The following SLC14A2 variants were observed in gnomAD, a reference collection of about 807,000 sequenced individuals.
SLC14A2 encodes the protein urea transporter 2.
A neutral mutation model predicts 104.6 loss-of-function variants in SLC14A2; 91 were observed. The ratio of observed to expected loss-of-function variants is 0.87; its 90% CI spans 0.73 to 1.04. SLC14A2 has a LOEUF of 1.04. Ranked by LOEUF, SLC14A2 falls within the 50% of genes least tolerant of loss-of-function variation. SLC14A2 has a pLI of 0.00. For missense variants in SLC14A2, 1,189 were observed against 1,156.0 expected, an observed-to-expected ratio of 1.03 and a Z score of -0.41; for synonymous variants, 476 against 466.4, an observed-to-expected ratio of 1.02 and a Z score of -0.27.
At chr18:45,263,053 A>T (rs2084555709) in intron 1 of SLC14A2, among the ~76,000 whole-genome samples, 1 of 152,216 alleles carries the variant, frequency 6.6e-6, no homozygotes, top group African/African-American at 2.4e-5. Flanking sequence ...TTTGAATTTC[A>T]TCAGTTTTTC....
At chr18:45,239,948 G>T (rs1360971613) in intron 1 of SLC14A2, among the ~76,000 whole-genome samples, 1 of 151,788 alleles carries the variant, frequency 6.6e-6, no homozygotes, top group African/African-American at 2.4e-5. Context: ...GACAGAATTT[G>T]ATTCTTTTTT....
upstream of SLC14A2, among the ~76,000 whole-genome samples, chr18:45,611,413 A>C (rs1157419766): frequency 6.6e-6 from 1 of 152,216 alleles, no homozygotes; most frequent in Non-Finnish European, 1.5e-5. Context: ...CCTAAAGGAC[A>C]TGCCACACTG....
chr18:45,399,200 C>A (rs915607524), intron 1 of SLC14A2, among the ~76,000 whole-genome samples: 6 of 152,198 alleles, frequency 3.9e-5, no homozygotes, highest in Non-Finnish European at 7.4e-5. Context: ...GAATTTGAAC[C>A]CAGGCAGTCT....
chr18:45,536,733 A>G (rs979054611), intron 2 of SLC14A2, among the ~76,000 whole-genome samples: 1 of 152,242 alleles, frequency 6.6e-6, no homozygotes, highest in African/African-American at 2.4e-5. Flanking sequence ...AAGCAAAAAA[A>G]GCTGCATATG....
intron 1 of SLC14A2, among the ~76,000 whole-genome samples, chr18:45,451,876 A>G (rs2086863620): frequency 6.6e-6 from 1 of 152,338 alleles, no homozygotes; most frequent in Middle Eastern, 3.4e-3. Context: ...GGTTCGGTTA[A>G]TGATTGCTTC....
At chr18:45,462,106 C>T (rs894334915) in intron 1 of SLC14A2, among the ~76,000 whole-genome samples, 1 of 152,194 alleles carries the variant, frequency 6.6e-6, no homozygotes, top group African/African-American at 2.4e-5. Flanking sequence ...CCAAACAAAA[C>T]CAATCAATGT....
chr18:45,414,757 A>AAAAAAAAAAAAAT (rs1360051908), intron 1 of SLC14A2, among the ~76,000 whole-genome samples: 7 of 76,110 alleles, frequency 9.2e-5, no homozygotes, highest in Non-Finnish European at 1.5e-4. Context: ...AAAAAAAAAA[A>AAAAAAAAAAAAAT]ATATATATAT....
chr18:45,227,631 C>A (rs2144012332), intron 1 of SLC14A2, among the ~76,000 whole-genome samples: 1 of 152,346 alleles, frequency 6.6e-6, no homozygotes, highest in Non-Finnish European at 1.5e-5. Flanking sequence ...ACCACATTAG[C>A]AAAGCCTGAC....
intron 10 of SLC14A2, chr18:45,647,833 C>T (rs1022514567): frequency 2.6e-5 from 4 of 152,104 alleles, no homozygotes; most frequent in African/African-American, 9.6e-5. Context: ...GAGCAGAAAA[C>T]ATGGCCTGTA....
intron 2 of SLC14A2, among the ~76,000 whole-genome samples, chr18:45,553,145 T>G (rs2044079483): frequency 6.6e-6 from 1 of 152,192 alleles, no homozygotes. Flanking sequence ...TTACAAACAC[T>G]TCCCAGCCTA....
At chr18:45,451,336 G>A (rs764582882) in intron 1 of SLC14A2, among the ~76,000 whole-genome samples, 10 of 152,020 alleles carry the variant, frequency 6.6e-5, no homozygotes, top group African/African-American at 9.7e-5. Flanking sequence ...TTCTTAATGC[G>A]TTCAATTTGG....
chr18:45,244,817 A>G (rs1168172411), intron 1 of SLC14A2, among the ~76,000 whole-genome samples: 1 of 152,162 alleles, frequency 6.6e-6, no homozygotes, highest in Non-Finnish European at 1.5e-5. Flanking sequence ...GACAGTTTTA[A>G]ACTCTCTAAA....
At chr18:45,207,403 AAGAG>A in the SLC14A2 span, among the ~76,000 whole-genome samples, 11 of 150,348 alleles carry the variant, frequency 7.3e-5, no homozygotes, top group South Asian at 1.9e-3. Flanking sequence ...GGGGGAGGAA[AAGAG>A]AGAGAAAGAG....
chr18:45,194,778 TGGGACTACA>T, the SLC14A2 span, among the ~76,000 whole-genome samples: 1 of 151,598 alleles, frequency 6.6e-6, no homozygotes, highest in East Asian at 1.9e-4. Context: ...CCCGAGTAGC[TGGGACTACA>T]GGCACCTGCC....
At chr18:45,243,538 A>C (rs1245798945) in intron 1 of SLC14A2, among the ~76,000 whole-genome samples, 4 of 152,248 alleles carry the variant, frequency 2.6e-5, no homozygotes, top group African/African-American at 9.6e-5. Context: ...AGAGTTATTT[A>C]GAAAAACATC....
At chr18:45,184,318 G>T in the SLC14A2 span, among the ~76,000 whole-genome samples, 410 of 152,252 alleles carry the variant, frequency 2.7e-3, 4 homozygotes, top group African/African-American at 9.3e-3. Flanking sequence ...ATTACCACAG[G>T]TGACCACTAA....
intron 1 of SLC14A2, among the ~76,000 whole-genome samples, chr18:45,470,582 G>A (rs1301902926): frequency 6.6e-6 from 1 of 152,044 alleles, no homozygotes; most frequent in African/African-American, 2.4e-5. Flanking sequence ...AGAGATAGTT[G>A]GGAAGGTTTT....
chr18:45,642,367 C>T (rs12963972), intron 8 of SLC14A2, among the ~76,000 whole-genome samples: 58,830 of 152,020 alleles, frequency 0.39, 11,535 homozygotes, highest in Admixed American at 0.42. Flanking sequence ...AGGTTCAGAC[C>T]GTAACTGCTT....
At chr18:45,233,778 C>T (rs1204456669) in intron 1 of SLC14A2, among the ~76,000 whole-genome samples, 1 of 146,440 alleles carries the variant, frequency 6.8e-6, no homozygotes, top group East Asian at 2.1e-4. Flanking sequence ...CCCCGACTCC[C>T]CCTTCCCCCA....
Sources: allele counts gnomAD v4.1 joint callset (sites outside exome capture counted in the v4.1 genomes callset), GRCh38; gene constraint gnomAD v4.1.1; transcripts MANE v1.5; gene names NCBI Gene and HGNC (gene_info 2026-07-23, HGNC 2026-07-21).